TAPT1: variants seen among roughly 807,000 people sequenced by gnomAD.
TAPT1 encodes transmembrane anterior posterior transformation protein 1 homolog.
A neutral mutation model predicts 65.6 loss-of-function variants in TAPT1; 28 were observed. The observed-to-expected ratio is 0.43, with a 90% CI of 0.32 to 0.59. TAPT1 has a LOEUF of 0.59. TAPT1 is among the 20% of genes least tolerant of loss of function. The pLI, the probability that TAPT1 is intolerant of heterozygous loss-of-function variation, is 0.09. For missense variants in TAPT1, 563 were observed against 679.9 expected (o/e 0.83, Z 1.91); for synonymous variants, 278 against 245.2 (o/e 1.13, Z -1.25).
chr4:16,221,523 C>A (rs945385982), intron 1 of TAPT1, among the ~76,000 whole-genome samples: 3 of 152,092 alleles, frequency 2.0e-5, no homozygotes, highest in Admixed American at 6.5e-5. Context: ...ATTGCTTTTT[C>A]TTCACCCCTA....
intron 2 of TAPT1, among the ~76,000 whole-genome samples, chr4:16,211,079 G>A (rs73234656): frequency 0.075 from 11,411 of 151,244 alleles, 613 homozygotes; most frequent in Middle Eastern, 0.15. Context: ...GGTTTGATAA[G>A]ACATATTAAG....
chr4:16,218,788 T>C (rs1444997059), intron 1 of TAPT1, among the ~76,000 whole-genome samples: 1 of 152,212 alleles, frequency 6.6e-6, no homozygotes, highest in African/African-American at 2.4e-5. Flanking sequence ...ATTAATCAGT[T>C]CTGGTTTGGT....
Position 16,211,716 on chromosome 4 carries a change from G to A in TAPT1, c.330+2052C>T, listed in dbSNP as rs193092495. On this transcript the variant is annotated intron_variant, in intron 2 of 13. Coordinates refer to ENST00000405303, the MANE Select transcript of TAPT1 (RefSeq NM_153365.3). ...TTACATTCATACAAATGGAACCAAA[G>A]TTTCATGAAACAATACTTATTCTTA... Among the ~76,000 whole-genome samples, 17 of 152,102 alleles carry A rather than the reference G, an allele frequency of 1.1e-4. 1 individual carries two copies. The East Asian group carries it at 3.3e-3, about 29-fold the overall frequency.
In TAPT1 at chr4:16,213,829, T is replaced by C. The variant is rs756174108; in HGVS notation, c.269A>G (p.Lys90Arg). The change falls in exon 2 of 14, where the codon AAG becomes AGG. Residue 90 changes from lysine to arginine, a missense_variant. Lys to Arg is a conservative substitution (Grantham distance 26). Around this residue, in one of 5 missense-constraint regions of TAPT1, gnomAD observed 217 missense variants for 317.5 expected, o/e 0.68. Coordinates refer to ENST00000405303, the MANE Select transcript of TAPT1 (RefSeq NM_153365.3). The stretch of plus-strand genomic sequence containing the variant: ...TACTCTTTCTCTTCTTTCTGTATAC[T>C]TGGCCTCATTATGTTCAAGGAAGTA... ...RGYFLEHNEAKYTERRERVYT... is the reference protein window; with the variant it reads ...RGYFLEHNEARYTERRERVYT... The C allele has an allele frequency of 1.6e-5, 26 of 1,609,414 alleles. No homozygotes were observed. The highest frequency in any genetic ancestry group is 1.9e-5 in the Non-Finnish European group (22 of 1,178,658).
At chr4:16,220,432 T>C (rs1751187592) in intron 1 of TAPT1, among the ~76,000 whole-genome samples, 2 of 152,230 alleles carry the variant, frequency 1.3e-5, no homozygotes, top group Non-Finnish European at 2.9e-5. Context: ...AAGATGTCAA[T>C]TAATCTTAGT....
chr4:16,177,459 C>A (rs1180280472), intron 8 of TAPT1, among the ~76,000 whole-genome samples: 2 of 152,202 alleles, frequency 1.3e-5, no homozygotes, highest in Middle Eastern at 6.3e-3. Flanking sequence ...GGAGATGACA[C>A]AGCTGGGCTA....
Position 16,163,067 on chromosome 4 carries a change from A to G in TAPT1, c.*241T>C. 1.7e-6 allele frequency: 1 copy of G among 585,690 alleles called. No individual in the cohort carries two copies. The highest frequency in any genetic ancestry group is 3.9e-5 in the East Asian group (1 of 25,972). The allele number at this position is 585,690 out of a possible 1,614,324, so 36.3% of individuals were successfully genotyped here. On this transcript the variant is annotated 3_prime_UTR_variant, in exon 14 of 14. Coordinates refer to ENST00000405303, the MANE Select transcript of TAPT1 (RefSeq NM_153365.3). ...AAATGATGCTGCTGCTTGGCCAGGC[A>G]GGAGGAAGTTTTATAATCCATCAAG... is the stretch of plus-strand genomic sequence containing the variant.
chr4:16,179,531 C>T, intron 8 of TAPT1, 46 bp downstream of exon 8: 1 of 1,171,342 alleles, frequency 8.5e-7, no homozygotes, highest in Non-Finnish European at 1.2e-6. Context: ...ATGATTTTGG[C>T]TTAGAAGTAA....
intron 8 of TAPT1, 83 bp from the exon 9 acceptor site, chr4:16,176,311 C>G (rs1455408994): frequency 6.0e-6 from 4 of 671,424 alleles, no homozygotes; most frequent in Non-Finnish European, 9.8e-6. Flanking sequence ...AATATGAAAT[C>G]TCTAGAACAA....
At chr4:16,226,829 CGGCGGCG>C (rs1245910158), upstream of TAPT1, 4 of 166,548 alleles carry the variant, frequency 2.4e-5, no homozygotes, top group Non-Finnish European at 2.5e-5. Flanking sequence ...CCGGGGATGG[CGGCGGCG>C]GGCGGCGGGT....
intron 1 of TAPT1, 41 bp from the exon 2 acceptor site, chr4:16,213,939 T>A: frequency 6.4e-7 from 1 of 1,557,110 alleles, no homozygotes; most frequent in Non-Finnish European, 8.6e-7. Context: ...AGAACAGTAT[T>A]TATCAAGGAA....
intron 1 of TAPT1, among the ~76,000 whole-genome samples, chr4:16,216,910 C>T (rs1750973125): frequency 6.6e-6 from 1 of 152,206 alleles, no homozygotes; most frequent in South Asian, 2.1e-4. Flanking sequence ...CCTACCTTCT[C>T]AGTGCGGGCC....
At chr4:16,170,790 A>C in intron 11 of TAPT1, 61 bp from the exon 12 acceptor site, 1 of 1,251,304 alleles carries the variant, frequency 8.0e-7, no homozygotes, top group Non-Finnish European at 1.2e-6. Flanking sequence ...CCACAGAGTT[A>C]TTAGTTAATA....
rs937935998 is a variant in TAPT1 at position 16,162,907 on chromosome 4, T to A, written c.*401A>T. The A allele has an allele frequency of 1.2e-5, 5 of 430,578 alleles. No homozygotes were observed. The highest frequency in any genetic ancestry group is 2.4e-5 in the Non-Finnish European group (5 of 207,430). 26.7% of individuals were successfully genotyped at this position (430,578 alleles called of 1,614,324 possible). ...TGAAAATAGTATGAGACTGGAAAGA[T>A]TACGTCGTGGTAAAAGTTTCACAGT... On this transcript the variant is annotated 3_prime_UTR_variant, in exon 14 of 14. Transcript: ENST00000405303.
At chr4:16,202,266 G>T (rs1313755312) in intron 3 of TAPT1, among the ~76,000 whole-genome samples, 196 bp downstream of exon 3, 2 of 151,638 alleles carry the variant, frequency 1.3e-5, no homozygotes, top group Non-Finnish European at 2.9e-5. Flanking sequence ...AACAATTCTG[G>T]AAAAAAATAA....
chr4:16,222,331 C>G (rs1266775950), intron 1 of TAPT1, among the ~76,000 whole-genome samples: 1 of 152,146 alleles, frequency 6.6e-6, no homozygotes, highest in Non-Finnish European at 1.5e-5. Flanking sequence ...TTAAGTAAAG[C>G]AAGTGAGAAT....
intron 2 of TAPT1, among the ~76,000 whole-genome samples, chr4:16,203,611 G>A (rs759691179): frequency 2.6e-5 from 4 of 152,178 alleles, no homozygotes; most frequent in Non-Finnish European, 5.9e-5. Context: ...CACAGGCACA[G>A]ACAGAGGAGA....
intron 13 of TAPT1, among the ~76,000 whole-genome samples, chr4:16,164,136 G>A (rs946444156): frequency 6.6e-6 from 1 of 152,146 alleles, no homozygotes; most frequent in African/African-American, 2.4e-5. Context: ...TTCAATCCAT[G>A]TAAGAACAGC....
chr4:16,174,382 CAAG>C, intron 10 of TAPT1, 110 bp from the exon 11 acceptor site: 1 of 941,640 alleles, frequency 1.1e-6, no homozygotes, highest in Non-Finnish European at 1.6e-6. Context: ...GGCTATGGAG[CAAG>C]AACAGAACCT....
Sources: allele counts gnomAD v4.1 joint callset (sites outside exome capture counted in the v4.1 genomes callset), GRCh38; gene constraint gnomAD v4.1.1; regional missense constraint gnomAD v4.1.1; transcripts MANE v1.5; gene names NCBI Gene and HGNC (gene_info 2026-07-23, HGNC 2026-07-21).